Variants in CRIPT observed in about 807,000 individuals in gnomAD.
CRIPT encodes CXXC repeat containing interactor of PDZ3 domain, also known as cysteine-rich PDZ-binding protein.
In CRIPT, 20 loss-of-function variants were observed where a neutral mutation model predicts 16.6. The observed-to-expected ratio is 1.20, with a 90% CI of 0.85 to 1.75. The LOEUF is 1.75. Among genes scored for constraint, CRIPT ranks in the 40% most tolerant of loss-of-function variants. The probability of loss-of-function intolerance (pLI) is 0.00; values close to 1 mark genes in which losing one functional copy is unlikely to be tolerated. For missense variants in CRIPT, 133 were observed against 115.3 expected (o/e 1.15, Z -0.70); for synonymous variants, 42 against 37.0 (o/e 1.14, Z -0.49).
intron 3 of CRIPT, among the ~76,000 whole-genome samples, chr2:46,620,735 AT>A (rs2104168640): frequency 6.8e-6 from 1 of 147,732 alleles, no homozygotes; most frequent in Non-Finnish European, 1.5e-5. Flanking sequence ...TTATAATATT[AT>A]TATATATATA....
At chr2:46,623,549 ATTCT>A (rs1431639000) in intron 3 of CRIPT, among the ~76,000 whole-genome samples, 10 of 152,178 alleles carry the variant, frequency 6.6e-5, no homozygotes, top group African/African-American at 4.8e-5. Flanking sequence ...TGTACAACTG[ATTCT>A]TTATAAGTAT....
intron 3 of CRIPT, among the ~76,000 whole-genome samples, chr2:46,620,167 G>A (rs1426598523): frequency 6.6e-6 from 1 of 152,084 alleles, no homozygotes; most frequent in Non-Finnish European, 1.5e-5. Flanking sequence ...TTAAAAATTC[G>A]GCTGGGTAAG....
Position 46,626,649 on chromosome 2 carries a change from A to G in CRIPT, c.*2422A>G, listed in dbSNP as rs1003990720. Reference sequence around the variant, plus strand: ...CATCTGTTATTTTTTTGACTTTTTGATAATAGCCATTCTGACTGGTGTGAG... The same window carrying G: ...CATCTGTTATTTTTTTGACTTTTTGGTAATAGCCATTCTGACTGGTGTGAG... On this transcript the variant is annotated 3_prime_UTR_variant, in exon 5 of 5. Coordinates refer to ENST00000238892, the MANE Select transcript of CRIPT (RefSeq NM_014171.6). Among the ~76,000 whole-genome samples, 2 of 151,960 alleles carry G rather than the reference A, an allele frequency of 1.3e-5. No homozygotes were observed. Among genetic ancestry groups the G allele is most frequent in the Non-Finnish European group, 2.9e-5 (2 of 68,004 alleles).
chr2:46,625,813 G>A lies in CRIPT; in HGVS notation c.*1586G>A, dbSNP rs1025432685. The A allele has an allele frequency of 6.6e-6, 1 of 152,022 alleles. No individual in the cohort carries two copies. Among genetic ancestry groups the A allele is most frequent in the Non-Finnish European group, 1.5e-5 (1 of 68,016 alleles). The allele number at this position is 152,022 out of a possible 1,614,324, so 9.4% of individuals were successfully genotyped here. Reference sequence around the variant, plus strand: ...ACACAGGAAACTCATAACAGGACCTGGTCAGAGAGCATCCCAGATCCATTA... The same window carrying A: ...ACACAGGAAACTCATAACAGGACCTAGTCAGAGAGCATCCCAGATCCATTA... On this transcript the variant is annotated 3_prime_UTR_variant, in exon 5 of 5. Transcript: ENST00000238892.
At position 46,619,669 on chromosome 2, in the gene CRIPT, C is replaced by CA. The variant is rs771238795; in HGVS notation, c.132dup (p.Ala45SerfsTer4). On this transcript the variant is annotated frameshift_variant, in exon 3 of 5. Transcript: ENST00000238892. LOFTEE classifies it high-confidence loss of function. ...CTGAATGAAAATAAAGCTTTGACTT[C>CA]AAAAAAAGCAAGGTGGGTAAGAGGA... 6.6e-5 allele frequency: 107 copies of CA among 1,610,260 alleles called. No homozygotes were observed. Among genetic ancestry groups the CA allele is most frequent in the Non-Finnish European group, 8.7e-5 (102 of 1,178,252 alleles).
At chr2:46,622,976 T>C (rs1216533145) in intron 3 of CRIPT, among the ~76,000 whole-genome samples, 1 of 152,000 alleles carries the variant, frequency 6.6e-6, no homozygotes, top group African/African-American at 2.4e-5. Context: ...GGGAAGCACA[T>C]TTAAATCAGA....
intron 3 of CRIPT, 104 bp downstream of exon 3, chr2:46,619,785 A>G (rs888645520): frequency 3.4e-6 from 3 of 871,674 alleles, no homozygotes; most frequent in Non-Finnish European, 5.4e-6. Flanking sequence ...AATAAAACAG[A>G]GTTAGGTGGT....
At chr2:46,624,041 A>ATAT (rs1308858181) in intron 4 of CRIPT, 122 bp from the exon 5 acceptor site, 47 of 374,958 alleles carry the variant, frequency 1.3e-4, no homozygotes, top group African/African-American at 9.7e-4. Context: ...ATATATATAT[A>ATAT]TTTTTTTTTT....
intron 3 of CRIPT, 62 bp downstream of exon 3, chr2:46,619,743 G>A (rs1670758880): frequency 1.5e-6 from 2 of 1,305,348 alleles, no homozygotes; most frequent in East Asian, 4.7e-5. Context: ...TAAGTCTGCT[G>A]GAGTGAATTT....
intron 3 of CRIPT, among the ~76,000 whole-genome samples, chr2:46,623,173 A>C (rs1042424085): frequency 5.9e-5 from 9 of 152,188 alleles, no homozygotes; most frequent in African/African-American, 2.2e-4. Flanking sequence ...ATAACTGTAG[A>C]TGCATTAATC....
Position 46,630,143 on chromosome 2 carries a change from CA to C in CRIPT, c.*5920del, listed in dbSNP as rs1376083922. On this transcript the variant is annotated 3_prime_UTR_variant, in exon 5 of 5. Coordinates refer to ENST00000238892, the MANE Select transcript of CRIPT (RefSeq NM_014171.6). ...TCCTGCATAGCCATAGCACAATTAC[CA>C]AAATCAGAAAATTAACATTAATACT... Among the ~76,000 whole-genome samples the C allele has an allele frequency of 2.0e-5, 3 of 150,554 alleles. No homozygotes were observed. Among genetic ancestry groups the C allele is most frequent in the African/African-American group, 7.3e-5 (3 of 40,890 alleles).
In CRIPT at chr2:46,628,195, C is replaced by CT. The variant is rs961028211; in HGVS notation, c.*3969dup. 1.5e-4 allele frequency among the ~76,000 whole-genome samples: 23 copies of CT among 150,884 alleles called. No homozygotes were observed. Among genetic ancestry groups the CT allele is most frequent in the Non-Finnish European group, 2.8e-4 (19 of 67,852 alleles). On this transcript the variant is annotated 3_prime_UTR_variant, in exon 5 of 5. Transcript: ENST00000238892. ...GTGCAATCTCAGCTCACTGCAACCT[C>CT]TGCCTCCTGAGTTCAAGCAATTCTC...
At chr2:46,621,217 T>C (rs1226372980) in intron 3 of CRIPT, among the ~76,000 whole-genome samples, 1 of 152,212 alleles carries the variant, frequency 6.6e-6, no homozygotes, top group Non-Finnish European at 1.5e-5. Context: ...TTAAGCCCCC[T>C]ACCATGTTCT....
rs1190368777 is a variant in CRIPT, at chr2:46,624,170, T to G, written c.249T>G (p.Cys83Trp). The G allele has an allele frequency of 6.3e-7, 1 of 1,582,652 alleles. No individual in the cohort carries two copies. The highest frequency in any genetic ancestry group is 1.2e-5 in the South Asian group (1 of 86,556). The change falls in exon 5 of 5, where the codon TGT becomes TGG. Residue 83 changes from cysteine to tryptophan, a missense_variant. Coordinates refer to ENST00000238892, the MANE Select transcript of CRIPT (RefSeq NM_014171.6). The stretch of plus-strand genomic sequence containing the variant: ...TATCTTCTTTTGTTTCAGGCATCTG[T>G]GCGATGTGTGGAAAAAAGGTTTTGG... ...CQGCAYKKGI[C>W]AMCGKKVLDT...
chr2:46,625,112 GC>G lies in CRIPT; in HGVS notation c.*888del, dbSNP rs1670904488. On this transcript the variant is annotated 3_prime_UTR_variant, in exon 5 of 5. Transcript: ENST00000238892. Reference sequence around the variant, plus strand: ...TTTGGATACAAGAGCTCACTCTGTTGCCCAGGGTGGAGTGCAGAGGTATCAT... The same window carrying G: ...TTTGGATACAAGAGCTCACTCTGTTGCCAGGGTGGAGTGCAGAGGTATCAT... 8.9e-6 allele frequency: 1 copy of G among 112,208 alleles called. No individual in the cohort carries two copies. The highest frequency in any genetic ancestry group is 1.7e-5 in the Non-Finnish European group (1 of 59,282). The allele number at this position is 112,208 out of a possible 1,614,324, so 7.0% of individuals were successfully genotyped here.
At position 46,617,292 on chromosome 2, in the gene CRIPT, G is replaced by T. The variant is rs1468610206; in HGVS notation, c.10G>T (p.Glu4Ter). Residue 4 changes from glutamate to a stop codon, truncating the protein, a stop_gained, in exon 1 of 5, where the codon GAA (glutamate) becomes TAA (stop). Transcript: ENST00000238892. LOFTEE classifies it high-confidence loss of function. MVC[E>*]KCEKKLGTVI... ...ACCGTCGTGGGGAAGGATGGTGTGC[G>T]AAAAATGTGAGTTAAGGGGCCGCTT... 6.4e-7 allele frequency: 1 copy of T among 1,555,270 alleles called. No homozygotes were observed. The highest frequency in any genetic ancestry group is 8.7e-7 in the Non-Finnish European group (1 of 1,148,478).
chr2:46,619,759 G>C, intron 3 of CRIPT, 78 bp downstream of exon 3: 1 of 1,091,578 alleles, frequency 9.2e-7, no homozygotes, highest in African/African-American at 1.6e-5. Context: ...AATTTGATGT[G>C]CATCATTCCA....
rs1238845875 is a variant in CRIPT at position 46,625,330 on chromosome 2, C to T, written c.*1103C>T. ...AAGCAATCCTCTGGCCTCAGCCTTCCGAAGTGCTGGGATACAGGTGTGAGC... is the reference window on the plus strand; with the variant it reads ...AAGCAATCCTCTGGCCTCAGCCTTCTGAAGTGCTGGGATACAGGTGTGAGC... On this transcript the variant is annotated 3_prime_UTR_variant, in exon 5 of 5. Coordinates refer to ENST00000238892, the MANE Select transcript of CRIPT (RefSeq NM_014171.6). The T allele has an allele frequency of 2.0e-5, 3 of 149,770 alleles. No individual in the cohort carries two copies. Among genetic ancestry groups the T allele is most frequent in the Non-Finnish European group, 3.0e-5 (2 of 67,740 alleles). 9.3% of individuals were successfully genotyped at this position (149,770 alleles called of 1,614,324 possible). A position where few individuals can be genotyped will look rare whatever the true frequency, so the allele number is the denominator to read the frequency against.
At chr2:46,622,477 C>G (rs1251504664) in intron 3 of CRIPT, among the ~76,000 whole-genome samples, 1 of 151,530 alleles carries the variant, frequency 6.6e-6, no homozygotes, top group African/African-American at 2.4e-5. Flanking sequence ...ACAAATTGAA[C>G]TTATTGAAAG....
Sources: allele counts gnomAD v4.1 joint callset (sites outside exome capture counted in the v4.1 genomes callset), GRCh38; gene constraint gnomAD v4.1.1; transcripts MANE v1.5; gene names NCBI Gene and HGNC (gene_info 2026-07-23, HGNC 2026-07-21).